Variants in ALKBH5 observed in about 807,000 individuals in gnomAD.
ALKBH5 encodes the protein alkB homolog 5, RNA demethylase.
Under a neutral mutation model 32.1 loss-of-function variants are expected in ALKBH5, and 2 were observed. The observed-to-expected ratio is 0.06, with a 90% CI of 0.03 to 0.20. The LOEUF (loss-of-function observed/expected upper bound fraction) is 0.20, where lower values mean the gene tolerates loss of function less well. Ranked by LOEUF, ALKBH5 falls within the 10% of genes least tolerant of loss-of-function variation. The probability of loss-of-function intolerance (pLI) is 1.00; values close to 1 mark genes in which losing one functional copy is unlikely to be tolerated. For missense variants in ALKBH5, 352 were observed against 559.5 expected, an observed-to-expected ratio of 0.63 and a Z score of 3.74; for synonymous variants, 300 against 231.7, an observed-to-expected ratio of 1.29 and a Z score of -2.68.
intron 1 of ALKBH5, among the ~76,000 whole-genome samples, chr17:18,193,121 G>A (rs2047186919): frequency 6.6e-6 from 1 of 151,448 alleles, no homozygotes; most frequent in Non-Finnish European, 1.5e-5. Context: ...GCCTCCCAAA[G>A]TGCTGGGTGG....
Position 18,184,435 on chromosome 17 carries a change from G to C in ALKBH5, c.192G>C (p.Ser64=). ...CCAAGCGCAAGTATCAGGAGGACTCGGACCCCGAGCGCAGCGACTATGAGG... is the reference window on the plus strand; with the variant it reads ...CCAAGCGCAAGTATCAGGAGGACTCCGACCCCGAGCGCAGCGACTATGAGG... ...SGAKRKYQED[S]DPERSDYEEQ... The change falls in exon 1 of 4, where the codon TCG becomes TCC. Residue 64 remains serine (S), a synonymous_variant. Coordinates refer to ENST00000399138, the MANE Select transcript of ALKBH5 (RefSeq NM_017758.4). The C allele has an allele frequency of 6.2e-7, 1 of 1,601,050 alleles. No homozygotes were observed. The highest frequency in any genetic ancestry group is 8.5e-7 in the Non-Finnish European group (1 of 1,174,362).
chr17:18,184,842 G>A lies in ALKBH5; in HGVS notation c.599G>A (p.Cys200Tyr). Residue 200 changes from cysteine to tyrosine, a missense_variant, in exon 1 of 4, where the codon TGC (cysteine) becomes TAC (tyrosine). This residue lies in a region of ALKBH5 where 56 missense variants were observed against 238.1 expected (regional missense o/e 0.24). Coordinates refer to ENST00000399138, the MANE Select transcript of ALKBH5 (RefSeq NM_017758.4). The stretch of plus-strand genomic sequence containing the variant: ...ATCAACGACTACCAGCCCGGCGGCT[G>A]CATCGTGTCTCACGTGGACCCCATC... ...AVINDYQPGG[C>Y]IVSHVDPIHI... The A allele has an allele frequency of 6.2e-7, 1 of 1,614,176 alleles. No individual in the cohort carries two copies. The highest frequency in any genetic ancestry group is 8.5e-7 in the Non-Finnish European group (1 of 1,180,028).
chr17:18,198,790 G>A (rs2047219315), intron 2 of ALKBH5, among the ~76,000 whole-genome samples: 1 of 152,208 alleles, frequency 6.6e-6, no homozygotes, highest in South Asian at 2.1e-4. Context: ...AACATGGGTG[G>A]TGCCAAGTCT....
chr17:18,198,568 G>T (rs2142481638), intron 2 of ALKBH5, among the ~76,000 whole-genome samples: 1 of 152,302 alleles, frequency 6.6e-6, no homozygotes, highest in East Asian at 1.9e-4. Context: ...TGGGCATTGA[G>T]CCTGGCCCTG....
intron 2 of ALKBH5, among the ~76,000 whole-genome samples, chr17:18,204,105 TCTGATTTCTGC>T (rs577105252): frequency 1.3e-5 from 2 of 152,300 alleles, no homozygotes; most frequent in Admixed American, 1.3e-4. Flanking sequence ...TTTTATTTAG[TCTGATTTCTGC>T]CACCTGGACC....
intron 2 of ALKBH5, among the ~76,000 whole-genome samples, chr17:18,205,298 C>T (rs1411084159): frequency 6.6e-6 from 1 of 152,070 alleles, no homozygotes; most frequent in Non-Finnish European, 1.5e-5. Context: ...ACTAGATCAT[C>T]CTCCTGTTGA....
At chr17:18,203,776 G>C (rs531232601) in intron 2 of ALKBH5, among the ~76,000 whole-genome samples, 2 of 152,328 alleles carry the variant, frequency 1.3e-5, no homozygotes, top group East Asian at 3.9e-4. Context: ...CCTGCAGCTT[G>C]GTGAATTTTT....
At chr17:18,201,794 A>AAGAT (rs57735712) in intron 2 of ALKBH5, among the ~76,000 whole-genome samples, 5,626 of 134,274 alleles carry the variant, frequency 0.042, 124 homozygotes, top group East Asian at 0.085. Flanking sequence ...TAGGATAGAT[A>AAGAT]AGATAGATAG....
chr17:18,185,002 G>T lies in ALKBH5; in HGVS notation c.759G>T (p.Val253=), dbSNP rs1406893170. 3.1e-6 allele frequency: 5 copies of T among 1,609,148 alleles called. No homozygotes were observed. The African/African-American group carries it at 6.7e-5, about 21-fold the overall frequency. ...CCCTGCCGGTGCGCAGGGGAAGCGTGACTGTGCTCAGGTAACCCACCCGGG... is the reference window on the plus strand; with the variant it reads ...CCCTGCCGGTGCGCAGGGGAAGCGTTACTGTGCTCAGGTAACCCACCCGGG... ...VLSLPVRRGS[V]TVLSGYAADE... The change falls in exon 1 of 4, where the codon GTG becomes GTT. Residue 253 remains valine (V), a synonymous_variant. Transcript: ENST00000399138.
At chr17:18,186,372 G>T (rs1411880693) in intron 1 of ALKBH5, among the ~76,000 whole-genome samples, 2 of 152,232 alleles carry the variant, frequency 1.3e-5, no homozygotes, top group Non-Finnish European at 2.9e-5. Flanking sequence ...CTCTCCGGGT[G>T]CTTGCTGTGT....
At chr17:18,201,058 A>G (rs908232160) in intron 2 of ALKBH5, among the ~76,000 whole-genome samples, 2 of 152,106 alleles carry the variant, frequency 1.3e-5, no homozygotes, top group African/African-American at 4.8e-5. Context: ...GAGCAATCTG[A>G]ATGTGAGGCT....
In ALKBH5 at chr17:18,202,679, G is replaced by A. The variant is rs76786380; in HGVS notation, c.852-4136G>A. ...CCAGAGTCATCGTGGCCTGAGTGCG[G>A]TCTGGTTTACCATCTTCCCAGAAAT... On this transcript the variant is annotated intron_variant, in intron 2 of 3. Transcript: ENST00000399138. Among the ~76,000 whole-genome samples, 796 of 152,246 alleles carry A rather than the reference G, an allele frequency of 5.2e-3. 7 individuals carry two copies. The highest frequency in any genetic ancestry group is 6.9e-3 in the Non-Finnish European group (468 of 68,022).
intron 1 of ALKBH5, among the ~76,000 whole-genome samples, chr17:18,191,736 G>A (rs1398496967): frequency 1.3e-5 from 2 of 152,124 alleles, no homozygotes; most frequent in Non-Finnish European, 2.9e-5. Context: ...TTGGGAGGCC[G>A]AGGTGGGTGG....
rs749690919 is a variant in ALKBH5 at position 18,208,624 on chromosome 17, G to T, written c.*228G>T. ...GGTATTCCTCCTGGATGGAAAGGCT[G>T]TTGGCATCAATAGGGGACAGAGGCT... On this transcript the variant is annotated 3_prime_UTR_variant, in exon 4 of 4. Transcript: ENST00000399138. 11 of 646,368 alleles carry T rather than the reference G, an allele frequency of 1.7e-5. No homozygotes were observed. The highest frequency in any genetic ancestry group is 1.6e-4 in the South Asian group (10 of 61,994). The allele number at this position is 646,368 out of a possible 1,614,324, so 40.0% of individuals were successfully genotyped here.
chr17:18,208,007 A>G (rs1395454759), intron 3 of ALKBH5, among the ~76,000 whole-genome samples: 1 of 152,188 alleles, frequency 6.6e-6, no homozygotes, highest in Non-Finnish European at 1.5e-5. Context: ...GGCAGACCCC[A>G]CAGGGTAATT....
intron 2 of ALKBH5, among the ~76,000 whole-genome samples, chr17:18,199,655 T>C (rs1425887334): frequency 2.0e-5 from 3 of 152,204 alleles, no homozygotes; most frequent in Non-Finnish European, 4.4e-5. Context: ...GTATCTACTA[T>C]GTACAAGGCA....
intron 2 of ALKBH5, among the ~76,000 whole-genome samples, chr17:18,201,552 G>A (rs2047236207): frequency 1.3e-5 from 2 of 152,216 alleles, no homozygotes; most frequent in South Asian, 4.1e-4. Context: ...GAGCGCGGGA[G>A]TTTGAGACCA....
chr17:18,203,106 A>AC (rs2047251394), intron 2 of ALKBH5, among the ~76,000 whole-genome samples: 1 of 150,018 alleles, frequency 6.7e-6, no homozygotes, highest in South Asian at 2.1e-4. Flanking sequence ...TTAAATAGGG[A>AC]CAAGGTCTTA....
At chr17:18,188,168 T>G (rs917471986) in intron 1 of ALKBH5, among the ~76,000 whole-genome samples, 1 of 152,186 alleles carries the variant, frequency 6.6e-6, no homozygotes, top group African/African-American at 2.4e-5. Flanking sequence ...CATATCACTT[T>G]ATCTGTCATT....
Sources: allele counts gnomAD v4.1 joint callset (sites outside exome capture counted in the v4.1 genomes callset), GRCh38; gene constraint gnomAD v4.1.1; regional missense constraint gnomAD v4.1.1; transcripts MANE v1.5; gene names NCBI Gene and HGNC (gene_info 2026-07-23, HGNC 2026-07-21).